Variants in URGCP observed in about 807,000 individuals in gnomAD.
URGCP encodes the protein upregulator of cell proliferation.
Under a neutral mutation model 24.6 loss-of-function variants are expected in URGCP, and 13 were observed. The observed-to-expected ratio is 0.53, with a 90% confidence interval of 0.34 to 0.84. The LOEUF is 0.84. Ranked by LOEUF, URGCP falls within the 40% of genes least tolerant of loss-of-function variation. The pLI, the probability that URGCP is intolerant of heterozygous loss-of-function variation, is 0.01. For missense variants in URGCP, 899 were observed against 1,194.3 expected (o/e 0.75, Z 3.64); for synonymous variants, 444 against 487.2 (o/e 0.91, Z 1.17).
intron 3 of URGCP, among the ~76,000 whole-genome samples, chr7:43,886,648 G>T (rs1015562400): frequency 6.6e-6 from 1 of 152,192 alleles, no homozygotes; most frequent in Non-Finnish European, 1.5e-5. Flanking sequence ...AGCTACTTGG[G>T]AGGCTGAGGC....
chr7:43,926,653 GCGAGTCGCGGATA>G, upstream of URGCP: 1 of 1,327,646 alleles, frequency 7.5e-7, no homozygotes, highest in East Asian at 2.9e-5. Flanking sequence ...CGGAGGCTCC[GCGAGTCGCGGATA>G]CACCTGCCTG....
Position 43,878,985 on chromosome 7 carries a change from G to A in URGCP, c.478C>T (p.Pro160Ser), listed in dbSNP as rs1468326577. 6.2e-7 allele frequency: 1 copy of A among 1,614,206 alleles called. No homozygotes were observed. Among genetic ancestry groups the A allele is most frequent in the Admixed American group, 1.7e-5 (1 of 60,014 alleles). Residue 160 changes from proline to serine, a missense_variant, in exon 6 of 6, where the codon CCA (proline) becomes TCA (serine). Physicochemically the swap from Pro to Ser is moderately conservative, Grantham distance 74 (BLOSUM62 -1). Transcript: ENST00000453200. This position sits in a 1 kb window ranked among gnomAD's most constrained non-coding sequence, Gnocchi z 5.6. ...QMEEEIIYWD[P>S]ADDLAADIYS... ...ATGTCGGCAGCAAGGTCATCAGCTG[G>A]GTCCCAGTAGATGATCTCCTCTTCC... is the stretch of plus-strand genomic sequence containing the variant.
intron 1 of URGCP, among the ~76,000 whole-genome samples, chr7:43,893,410 A>G (rs1304683415): frequency 6.6e-6 from 1 of 152,224 alleles, no homozygotes; most frequent in Non-Finnish European, 1.5e-5. Context: ...AGTCCCAGCT[A>G]CTCAGGAGGC....
chr7:43,917,051 C>T (rs2095916385), intron 1 of URGCP, among the ~76,000 whole-genome samples: 1 of 152,128 alleles, frequency 6.6e-6, no homozygotes, highest in Non-Finnish European at 1.5e-5. Context: ...ATGTATCCTC[C>T]AAACTGGGAG....
chr7:43,903,136 AGAG>A (rs1376624901), intron 1 of URGCP, among the ~76,000 whole-genome samples: 3 of 145,970 alleles, frequency 2.1e-5, no homozygotes, highest in Non-Finnish European at 4.6e-5. Flanking sequence ...AAAAAAAAAA[AGAG>A]AGAGAGAGAA....
chr7:43,889,146 A>C (rs1032948887), intron 1 of URGCP: 2 of 152,220 alleles, frequency 1.3e-5, no homozygotes, highest in African/African-American at 4.8e-5. Flanking sequence ...TCTCTTGCTC[A>C]CATCAGAACA....
At position 43,887,400 on chromosome 7, in the gene URGCP, T is replaced by C; in HGVS notation, c.112+15A>G. On this transcript the variant is annotated intron_variant, in intron 3 of 5. Transcript: ENST00000453200. The stretch of plus-strand genomic sequence containing the variant: ...AGCTCCAGAGTGGGCCCACATCCAA[T>C]TCATCCAACTTTACCTGCAATGGCC... 1 of 1,613,342 alleles carries C rather than the reference T, an allele frequency of 6.2e-7. No homozygotes were observed. The highest frequency in any genetic ancestry group is 8.5e-7 in the Non-Finnish European group (1 of 1,179,626).
In URGCP at chr7:43,877,133, A is replaced by G. The variant is rs772492526; in HGVS notation, c.2330T>C (p.Leu777Pro). The G allele has an allele frequency of 6.2e-7, 1 of 1,614,202 alleles. No homozygotes were observed. The highest frequency in any genetic ancestry group is 8.5e-7 in the Non-Finnish European group (1 of 1,180,030). The change falls in exon 6 of 6, where the codon CTG becomes CCG. Residue 777 changes from leucine (L) to proline (P), a missense_variant. Coordinates refer to ENST00000453200, the MANE Select transcript of URGCP (RefSeq NM_001077663.3). ...RFELEASLAT[L>P]LMGLSNVTVI... is the part of the protein sequence containing the mutation. ...GGTGACATTGCTCAGTCCCATGAGC[A>G]GAGTGGCCAAGGAAGCCTCCAGCTC...
At chr7:43,897,912 T>C (rs988024938) in intron 1 of URGCP, among the ~76,000 whole-genome samples, 6 of 152,188 alleles carry the variant, frequency 3.9e-5, no homozygotes, top group African/African-American at 1.4e-4. Flanking sequence ...TTTTCCAGGT[T>C]CAATCAGTTG....
intron 1 of URGCP, among the ~76,000 whole-genome samples, chr7:43,896,141 G>T (rs2095877931): frequency 6.6e-6 from 1 of 152,182 alleles, no homozygotes; most frequent in South Asian, 2.1e-4. Flanking sequence ...TGGAAGTATA[G>T]AGTAGAATTG....
At chr7:43,919,829 G>C (rs1246014297) in intron 1 of URGCP, 2 of 1,273,114 alleles carry the variant, frequency 1.6e-6, no homozygotes, top group South Asian at 1.2e-5. Flanking sequence ...GTGGGCGCAT[G>C]ATGGCCAACC....
At chr7:43,919,812 C>T (rs756861689) in intron 1 of URGCP, 141 of 1,274,006 alleles carry the variant, frequency 1.1e-4, no homozygotes, top group South Asian at 3.3e-4. Context: ...CTTGGCCCAC[C>T]GGGTCAGTGG....
chr7:43,882,433 G>C (rs1218732694), intron 3 of URGCP, among the ~76,000 whole-genome samples: 3 of 152,194 alleles, frequency 2.0e-5, no homozygotes, highest in African/African-American at 4.8e-5. Flanking sequence ...CTGGGCGACA[G>C]AGTGAGGCTA....
At chr7:43,919,125 G>A (rs1562591230) in intron 1 of URGCP, 1 of 870,692 alleles carries the variant, frequency 1.1e-6, no homozygotes, top group Non-Finnish European at 2.0e-6. Flanking sequence ...CATTGCTGGG[G>A]GGACAGGCTC....
intron 3 of URGCP, among the ~76,000 whole-genome samples, chr7:43,883,720 T>G (rs918704836): frequency 6.6e-6 from 1 of 152,186 alleles, no homozygotes; most frequent in Non-Finnish European, 1.5e-5. Flanking sequence ...AGATTTATGT[T>G]TTCTCATGAT....
Position 43,878,236 on chromosome 7 carries a change from T to C in URGCP, c.1227A>G (p.Lys409=). The change falls in exon 6 of 6, where the codon AAA becomes AAG. Residue 409 remains lysine, a synonymous_variant. Transcript: ENST00000453200. The surrounding 1 kb of genome is among the most constrained non-coding windows in gnomAD (Gnocchi z 5.6). The stretch of plus-strand genomic sequence containing the variant: ...TTACCAGGACATGTGAGTGGTCTAT[T>C]TTCAGCACAGGAATTAACTTATTCA... ...RFLNKLIPVL[K]IDHSHVLVKV... The C allele has an allele frequency of 1.2e-5, 19 of 1,614,226 alleles. No homozygotes were observed. The highest frequency in any genetic ancestry group is 1.6e-5 in the Non-Finnish European group (19 of 1,180,046).
At chr7:43,906,495 G>A (rs1241406288) in intron 1 of URGCP, 67 bp downstream of exon 1, 13 of 1,155,556 alleles carry the variant, frequency 1.1e-5, no homozygotes, top group East Asian at 4.5e-5. Context: ...GGCCAGAGCC[G>A]CTCCGGGTCC....
At chr7:43,885,169 C>T (rs894513163) in intron 3 of URGCP, among the ~76,000 whole-genome samples, 3 of 151,608 alleles carry the variant, frequency 2.0e-5, no homozygotes, top group East Asian at 1.9e-4. Context: ...GGTATGATCC[C>T]GGCTCACAGA....
chr7:43,918,973 T>G (rs954347719), intron 1 of URGCP: 2 of 1,308,966 alleles, frequency 1.5e-6, no homozygotes, highest in Non-Finnish European at 2.2e-6. Flanking sequence ...AACATCTACC[T>G]GTCGGAGCAT....
Sources: allele counts gnomAD v4.1 joint callset (sites outside exome capture counted in the v4.1 genomes callset), GRCh38; gene constraint gnomAD v4.1.1; non-coding constraint Gnocchi (gnomAD v3.1); transcripts MANE v1.5; gene names NCBI Gene and HGNC (gene_info 2026-07-23, HGNC 2026-07-21).